The following CDH12 variants were observed in gnomAD, a reference collection of about 807,000 sequenced individuals.
CDH12 encodes the protein cadherin 12.
In CDH12, 41 loss-of-function variants were observed where a neutral mutation model predicts 74.1. That is an observed-to-expected ratio of 0.55 (90% confidence interval 0.43 to 0.72). The LOEUF (loss-of-function observed/expected upper bound fraction) is 0.72. Among genes scored for constraint, CDH12 ranks in the 30% least tolerant of loss-of-function variants. CDH12 has a pLI of 0.00. For synonymous variants in CDH12, 399 were observed against 355.0 expected (o/e 1.12, Z -1.39); for missense variants, 945 against 977.2 (o/e 0.97, Z 0.44).
chr5:22,619,129 A>G (rs1459898071), intron 1 of CDH12, among the ~76,000 whole-genome samples: 1 of 152,112 alleles, frequency 6.6e-6, no homozygotes, highest in Non-Finnish European at 1.5e-5. Context: ...CCCCATTTCT[A>G]ATAGTAGGCT....
At chr5:22,462,010 C>T (rs1745546019) in intron 2 of CDH12, among the ~76,000 whole-genome samples, 1 of 152,008 alleles carries the variant, frequency 6.6e-6, no homozygotes, top group African/African-American at 2.4e-5. Context: ...GAGCAAAGTA[C>T]CCTTTAAAAC....
At chr5:22,618,428 G>C (rs570578024) in intron 1 of CDH12, among the ~76,000 whole-genome samples, 129 of 152,112 alleles carry the variant, frequency 8.5e-4, no homozygotes, top group African/African-American at 3.0e-3. Context: ...TGTAGTCTTG[G>C]GTTCACACTT....
At chr5:22,269,197 A>G (rs761726719) in intron 3 of CDH12, among the ~76,000 whole-genome samples, 11 of 152,196 alleles carry the variant, frequency 7.2e-5, no homozygotes, top group Non-Finnish European at 1.3e-4. Flanking sequence ...GTTTTAATCA[A>G]TATTATTACC....
intron 4 of CDH12, among the ~76,000 whole-genome samples, chr5:22,140,427 A>T (rs1746718897): frequency 6.7e-6 from 1 of 148,426 alleles, no homozygotes; most frequent in African/African-American, 2.4e-5. Context: ...GTATACATTT[A>T]AAAGTGTATA....
At chr5:22,134,805 C>T (rs984311017) in intron 4 of CDH12, among the ~76,000 whole-genome samples, 3 of 147,296 alleles carry the variant, frequency 2.0e-5, no homozygotes, top group Non-Finnish European at 3.0e-5. Flanking sequence ...TGTCACTTTC[C>T]CTGTCTCCAC....
At chr5:22,617,298 T>C (rs992664807) in intron 1 of CDH12, among the ~76,000 whole-genome samples, 3 of 152,108 alleles carry the variant, frequency 2.0e-5, no homozygotes, top group African/African-American at 4.8e-5. Context: ...GGAATTGGCC[T>C]GCACCTTGAT....
At chr5:21,932,827 G>A (rs1462792208) in intron 6 of CDH12, among the ~76,000 whole-genome samples, 2 of 150,554 alleles carry the variant, frequency 1.3e-5, no homozygotes, top group Non-Finnish European at 3.0e-5. Context: ...AAAAAAGATA[G>A]TAGCAAATGT....
chr5:22,720,267 A>T (rs1463913587), intron 1 of CDH12, among the ~76,000 whole-genome samples: 1 of 152,136 alleles, frequency 6.6e-6, no homozygotes, highest in Non-Finnish European at 1.5e-5. Context: ...AGTTCTCACA[A>T]TATCCGATGG....
intron 1 of CDH12, among the ~76,000 whole-genome samples, chr5:22,642,054 T>A (rs1483511728): frequency 6.6e-6 from 1 of 152,198 alleles, no homozygotes. Flanking sequence ...GTAAATTCAC[T>A]GTTTATAAGA....
intron 1 of CDH12, among the ~76,000 whole-genome samples, chr5:22,755,179 G>A (rs1745826508): frequency 1.3e-5 from 2 of 152,078 alleles, no homozygotes; most frequent in African/African-American, 4.8e-5. Flanking sequence ...TTCATTACAA[G>A]TTTAATGTGT....
chr5:22,325,826 T>C (rs1739069886), intron 3 of CDH12, among the ~76,000 whole-genome samples: 1 of 152,074 alleles, frequency 6.6e-6, no homozygotes, highest in Admixed American at 6.6e-5. Context: ...GAGAATGGTG[T>C]GAACCCGGGA....
intron 3 of CDH12, among the ~76,000 whole-genome samples, chr5:22,376,644 A>C (rs974671101): frequency 6.6e-6 from 1 of 151,396 alleles, no homozygotes; most frequent in African/African-American, 2.4e-5. Context: ...AGCCTTATGA[A>C]TAGCTGGGAC....
At chr5:22,631,242 C>G (rs1238550154) in intron 1 of CDH12, among the ~76,000 whole-genome samples, 1 of 152,148 alleles carries the variant, frequency 6.6e-6, no homozygotes, top group East Asian at 1.9e-4. Flanking sequence ...CCTCAAAGAA[C>G]TTAAAACAGA....
chr5:21,917,607 T>A (rs1294833677), intron 6 of CDH12, among the ~76,000 whole-genome samples: 4 of 152,170 alleles, frequency 2.6e-5, no homozygotes, highest in Non-Finnish European at 1.5e-5. Flanking sequence ...ATTTTCTATG[T>A]GATGAAACTA....
chr5:22,008,645 C>G (rs957625666), intron 5 of CDH12, among the ~76,000 whole-genome samples: 6 of 152,158 alleles, frequency 3.9e-5, no homozygotes, highest in African/African-American at 1.4e-4. Flanking sequence ...CCCTCTCCAT[C>G]TGTTTGTGAT....
At chr5:22,550,555 T>G (rs780818814) in intron 1 of CDH12, among the ~76,000 whole-genome samples, 5 of 152,176 alleles carry the variant, frequency 3.3e-5, no homozygotes, top group Non-Finnish European at 5.9e-5. Flanking sequence ...ACAAGTCGAT[T>G]CTAACACCAA....
At chr5:22,678,240 T>A (rs1013526103) in intron 1 of CDH12, among the ~76,000 whole-genome samples, 11 of 152,118 alleles carry the variant, frequency 7.2e-5, no homozygotes, top group Non-Finnish European at 1.5e-4. Flanking sequence ...TGCTAAACTC[T>A]TAGTGTGCAC....
At chr5:22,604,894 C>T (rs1305387482) in intron 1 of CDH12, among the ~76,000 whole-genome samples, 1 of 152,184 alleles carries the variant, frequency 6.6e-6, no homozygotes, top group Non-Finnish European at 1.5e-5. Context: ...GCCATTGACC[C>T]TAGAGGGCAC....
intron 9 of CDH12, among the ~76,000 whole-genome samples, chr5:21,807,113 T>A (rs1159696336): frequency 6.6e-6 from 1 of 152,250 alleles, no homozygotes; most frequent in East Asian, 1.9e-4. Context: ...AATCTAAGAT[T>A]GGTCTTTTGA....
Sources: allele counts gnomAD v4.1 joint callset (sites outside exome capture counted in the v4.1 genomes callset), GRCh38; gene constraint gnomAD v4.1.1; transcripts MANE v1.5; gene names NCBI Gene and HGNC (gene_info 2026-07-23, HGNC 2026-07-21).